NDST2: variants seen among roughly 807,000 people sequenced by gnomAD.
NDST2 encodes N-deacetylase and N-sulfotransferase 2.
Under a neutral mutation model 86.9 loss-of-function variants are expected in NDST2, and 32 were observed. The ratio of observed to expected loss-of-function variants is 0.37; its 90% CI spans 0.28 to 0.49. The LOEUF is 0.49. NDST2 is among the 20% of genes least tolerant of loss of function. The pLI is 0.97. For missense variants in NDST2, 950 were observed against 1,146.9 expected (o/e 0.83, Z 2.48); for synonymous variants, 409 against 437.0 (o/e 0.94, Z 0.80).
Position 73,808,685 on chromosome 10 carries a change from C to T in NDST2, c.-297G>A, listed in dbSNP as rs1246699334. ...GGCTCTCCCCTTGGCCCTGGCTGAG[C>T]GCCTCACATCAAAGGTCAGCAAAGT... is the stretch of plus-strand genomic sequence containing the variant. On this transcript the variant is annotated 5_prime_UTR_variant, in exon 3 of 15. Transcript: ENST00000309979. This position sits in a 1 kb window ranked among gnomAD's most constrained non-coding sequence, Gnocchi z 4.3. The T allele has an allele frequency of 1.1e-5, 4 of 354,872 alleles. No individual in the cohort carries two copies. Among genetic ancestry groups the T allele is most frequent in the Admixed American group, 8.6e-5 (2 of 23,366 alleles). 22.0% of individuals were successfully genotyped at this position (354,872 alleles called of 1,614,324 possible). A position where few individuals can be genotyped will look rare whatever the true frequency, so the allele number is the denominator to read the frequency against.
At chr10:73,805,063 G>A (rs531944251) in intron 8 of NDST2, among the ~76,000 whole-genome samples, 194 bp from the exon 9 acceptor site, 3 of 151,962 alleles carry the variant, frequency 2.0e-5, no homozygotes, top group South Asian at 4.2e-4. Flanking sequence ...CACCATGTCC[G>A]GCTAATTTTG....
At position 73,808,355 on chromosome 10, in the gene NDST2, G is replaced by C. The variant is rs1383661524; in HGVS notation, c.34C>G (p.Arg12Gly). ...ATGAGGCGGTGCAGTTCCAGCTGCCGAGCTGGGCGTACCACCTTCCACAAC... is the reference window on the plus strand; with the variant it reads ...ATGAGGCGGTGCAGTTCCAGCTGCCCAGCTGGGCGTACCACCTTCCACAAC... ...LQLWKVVRPA[R>G]QLELHRLILL... The change falls in exon 3 of 15, where the codon CGG becomes GGG. Residue 12 changes from arginine (R) to glycine (G), a missense_variant. Arg to Gly is a moderately radical substitution (Grantham distance 125). Coordinates refer to ENST00000309979, the MANE Select transcript of NDST2 (RefSeq NM_003635.4). The surrounding 1 kb of genome is among the most constrained non-coding windows in gnomAD (Gnocchi z 4.3). 1 of 1,595,984 alleles carries C rather than the reference G, an allele frequency of 6.3e-7. No individual in the cohort carries two copies. Among genetic ancestry groups the C allele is most frequent in the Admixed American group, 1.7e-5 (1 of 57,476 alleles).
At chr10:73,809,540 C>T (rs2084162002) in intron 2 of NDST2, among the ~76,000 whole-genome samples, 1 of 152,170 alleles carries the variant, frequency 6.6e-6, no homozygotes, top group African/African-American at 2.4e-5. Context: ...CAACCCTATT[C>T]CTAAACAGCT....
chr10:73,802,474 GTTC>G lies in NDST2; in HGVS notation c.2626_2628del (p.Glu876del). ...CATCAGCCCAGACTGGAATGCTGCA[GTTC>G]TTCCCGAAGCCACGAGGGCACTGGC... On this transcript the variant is annotated inframe_deletion, in exon 15 of 15. Coordinates refer to ENST00000309979, the MANE Select transcript of NDST2 (RefSeq NM_003635.4). 1 of 1,613,382 alleles carries G rather than the reference GTTC, an allele frequency of 6.2e-7. No individual in the cohort carries two copies. The highest frequency in any genetic ancestry group is 8.5e-7 in the Non-Finnish European group (1 of 1,180,032).
chr10:73,808,027 C>T lies in NDST2; in HGVS notation c.362G>A (p.Arg121Gln), dbSNP rs545207814. Residue 121 changes from arginine to glutamine, a missense_variant, in exon 3 of 15, where the codon CGA (arginine) becomes CAA (glutamine). This residue lies in a region of NDST2 where 586 missense variants were observed against 714.0 expected (regional missense o/e 0.82). Coordinates refer to ENST00000309979, the MANE Select transcript of NDST2 (RefSeq NM_003635.4). This position sits in a 1 kb window ranked among gnomAD's most constrained non-coding sequence, Gnocchi z 4.3. ...ATCAGTCAATGTGGGCATGTCCCCT[C>T]GGCCAGGTGCCAACTCAGTGCTATA... ...FRYSTELAPG[R>Q]GDMPTLTDNT... 50 of 1,614,264 alleles carry T rather than the reference C, an allele frequency of 3.1e-5. No homozygotes were observed. Among genetic ancestry groups the T allele is most frequent in the South Asian group, 2.5e-4 (23 of 91,086 alleles).
At chr10:73,809,369 C>T (rs1002436215) in intron 2 of NDST2, among the ~76,000 whole-genome samples, 3 of 152,302 alleles carry the variant, frequency 2.0e-5, no homozygotes, top group South Asian at 2.1e-4. Context: ...CTCCCTTACC[C>T]GTTGCTTGTG....
chr10:73,804,927 G>A, intron 8 of NDST2, 58 bp from the exon 9 acceptor site: 1 of 1,038,042 alleles, frequency 9.6e-7, no homozygotes, highest in Non-Finnish European at 1.4e-6. Context: ...TTGAGACGGA[G>A]TTTCGTTCTT....
intron 1 of NDST2, among the ~76,000 whole-genome samples, chr10:73,811,179 G>A (rs1057492693): frequency 6.6e-6 from 1 of 152,086 alleles, no homozygotes; most frequent in Non-Finnish European, 1.5e-5. Context: ...TGCGAAGAGC[G>A]CACCGGATGT....
At chr10:73,804,901 T>C in intron 8 of NDST2, 32 bp from the exon 9 acceptor site, 3 of 1,301,870 alleles carry the variant, frequency 2.3e-6, no homozygotes, top group East Asian at 2.4e-5. Flanking sequence ...AGATAAGGCC[T>C]ATTTTTTTTT....
rs1170970678 is a variant in NDST2 at position 73,808,028 on chromosome 10, G to A, written c.361C>T (p.Arg121Ter). Residue 121 changes from arginine (R) to a stop codon, truncating the protein, a stop_gained, in exon 3 of 15, where the codon CGA becomes TGA. Transcript: ENST00000309979. LOFTEE classifies it high-confidence loss of function. This position sits in a 1 kb window ranked among gnomAD's most constrained non-coding sequence, Gnocchi z 4.3. ...FRYSTELAPG[R>*]GDMPTLTDNT... The stretch of plus-strand genomic sequence containing the variant: ...TCAGTCAATGTGGGCATGTCCCCTC[G>A]GCCAGGTGCCAACTCAGTGCTATAA... 2.5e-6 allele frequency: 4 copies of A among 1,614,088 alleles called. No homozygotes were observed. The highest frequency in any genetic ancestry group is 1.3e-5 in the African/African-American group (1 of 74,922).
In NDST2 at chr10:73,806,176, A is replaced by G. The variant is rs1394964061; in HGVS notation, c.1434+113T>C. ...AAAATTTTTTCACCTTTCTACCCCC[A>G]ATTATGTACCCCCATACTTGGACTG... is the stretch of plus-strand genomic sequence containing the variant. On this transcript the variant is annotated intron_variant, in intron 6 of 14. Coordinates refer to ENST00000309979, the MANE Select transcript of NDST2 (RefSeq NM_003635.4). This position sits in a 1 kb window ranked among gnomAD's most constrained non-coding sequence, Gnocchi z 4.5. The G allele has an allele frequency of 2.0e-6, 3 of 1,538,170 alleles. No individual in the cohort carries two copies. The highest frequency in any genetic ancestry group is 2.7e-6 in the Non-Finnish European group (3 of 1,121,536).
chr10:73,811,353 G>C (rs1473530150), intron 1 of NDST2, 121 bp downstream of exon 1: 50 of 153,242 alleles, frequency 3.3e-4, no homozygotes, highest in African/African-American at 1.2e-3. Flanking sequence ...CCCGGGGCGC[G>C]GCGCACGCTG....
Position 73,802,511 on chromosome 10 carries a change from C to A in NDST2, c.2592G>T (p.Arg864=). 1 of 1,614,006 alleles carries A rather than the reference C, an allele frequency of 6.2e-7. No individual in the cohort carries two copies. The change falls in exon 15 of 15, where the codon CGG becomes CGT. Residue 864 remains arginine, a synonymous_variant. Transcript: ENST00000309979. The part of the protein sequence containing the change: ...HNLELSKLLS[R]LGQPVPSWLR... ...GCCACGAGGGCACTGGCTGTCCAAG[C>A]CGGCTCAGCAGCTTCGACAACTCCA...
chr10:73,806,136 C>T lies in NDST2; in HGVS notation c.1435-108G>A. On this transcript the variant is annotated intron_variant, in intron 6 of 14. Transcript: ENST00000309979. The surrounding 1 kb of genome is among the most constrained non-coding windows in gnomAD (Gnocchi z 4.5). ...AGTCTGAAGTTATAGCAATAAAGCT[C>T]TTACTGAGGGTGTTAAAATTTTTTC... 2.6e-6 allele frequency: 4 copies of T among 1,533,122 alleles called. No individual in the cohort carries two copies. Among genetic ancestry groups the T allele is most frequent in the Non-Finnish European group, 3.6e-6 (4 of 1,121,834 alleles). 95.0% of individuals were successfully genotyped at this position (1,533,122 alleles called of 1,614,324 possible).
At chr10:73,809,340 C>A (rs1430459434) in intron 2 of NDST2, among the ~76,000 whole-genome samples, 2 of 152,170 alleles carry the variant, frequency 1.3e-5, no homozygotes, top group Non-Finnish European at 2.9e-5. Context: ...TACCAGTTTC[C>A]AAACCCAGAA....
At chr10:73,805,014 C>T (rs2084074780) in intron 8 of NDST2, 145 bp from the exon 9 acceptor site, 1 of 511,952 alleles carries the variant, frequency 2.0e-6, no homozygotes, top group Admixed American at 3.5e-5. Context: ...AATTCTCTTG[C>T]CTCAGCCTTC....
In NDST2 at chr10:73,801,979, T is replaced by A. The variant is rs1251568795; in HGVS notation, c.*472A>T. ...CAGCTAGGGCTCATACTCGGCTCTA[T>A]GAGCCACTGTCCGACCTCATCCCCA... On this transcript the variant is annotated 3_prime_UTR_variant, in exon 15 of 15. Coordinates refer to ENST00000309979, the MANE Select transcript of NDST2 (RefSeq NM_003635.4). The surrounding 1 kb of genome is among the most constrained non-coding windows in gnomAD (Gnocchi z 4.9). 1 of 369,980 alleles carries A rather than the reference T, an allele frequency of 2.7e-6. No homozygotes were observed. Among genetic ancestry groups the A allele is most frequent in the Non-Finnish European group, 5.1e-6 (1 of 196,266 alleles). The allele number at this position is 369,980 out of a possible 1,614,324, so 22.9% of individuals were successfully genotyped here.
At chr10:73,804,747 A>C in intron 9 of NDST2, 26 bp downstream of exon 9, 2 of 1,479,440 alleles carry the variant, frequency 1.4e-6, no homozygotes, top group Non-Finnish European at 1.9e-6. Flanking sequence ...AGGCAGGGCA[A>C]GAGAAGTTAG....
rs1162787431 is a variant in NDST2 at position 73,806,671 on chromosome 10, T to G, written c.1234A>C (p.Lys412Gln). ...AAGGGTCTCACCAGAGCAAACTGTTTGTTGAGCCTCATCTGGTCAGCCAGC... is the reference window on the plus strand; with the variant it reads ...AAGGGTCTCACCAGAGCAAACTGTTGGTTGAGCCTCATCTGGTCAGCCAGC... ...SVLADQMRLNKQFALEHGIPT... is the reference protein window; with the variant it reads ...SVLADQMRLNQQFALEHGIPT... Residue 412 changes from lysine to glutamine, a missense_variant, in exon 5 of 15, where the codon AAA becomes CAA. By Grantham distance (53) the Lys-to-Gln change is moderately conservative. Coordinates refer to ENST00000309979, the MANE Select transcript of NDST2 (RefSeq NM_003635.4). The surrounding 1 kb of genome is among the most constrained non-coding windows in gnomAD (Gnocchi z 4.5). 6.2e-7 allele frequency: 1 copy of G among 1,613,872 alleles called. No individual in the cohort carries two copies.
Sources: allele counts gnomAD v4.1 joint callset (sites outside exome capture counted in the v4.1 genomes callset), GRCh38; gene constraint gnomAD v4.1.1; regional missense constraint gnomAD v4.1.1; non-coding constraint Gnocchi (gnomAD v3.1); transcripts MANE v1.5; gene names NCBI Gene and HGNC (gene_info 2026-07-23, HGNC 2026-07-21).